The following DNAJC3 variants were observed in gnomAD, a reference collection of about 807,000 sequenced individuals.
DNAJC3 encodes dnaJ homolog subfamily C member 3.
Under a neutral mutation model 68.6 loss-of-function variants are expected in DNAJC3, and 38 were observed. The observed-to-expected ratio is 0.55, with a 90% CI of 0.43 to 0.73. The LOEUF (loss-of-function observed/expected upper bound fraction) is 0.73, where lower values mean the gene tolerates loss of function less well. Among genes scored for constraint, DNAJC3 ranks in the 30% least tolerant of loss-of-function variants. DNAJC3 has a pLI of 0.00. For missense variants in DNAJC3, 526 were observed against 591.9 expected (o/e 0.89, Z 1.16); for synonymous variants, 203 against 204.0 (o/e 1.00, Z 0.04).
At chr13:95,770,476 C>G (rs1445239645) in intron 9 of DNAJC3, among the ~76,000 whole-genome samples, 1 of 152,154 alleles carries the variant, frequency 6.6e-6, no homozygotes, top group Admixed American at 6.5e-5. Flanking sequence ...ACTTTTATCT[C>G]TTTTCCCCTA....
chr13:95,771,937 T>C (rs1054580198), intron 9 of DNAJC3, among the ~76,000 whole-genome samples: 1 of 152,190 alleles, frequency 6.6e-6, no homozygotes, highest in East Asian at 1.9e-4. Flanking sequence ...TTGAGATTTA[T>C]TTATGTTATT....
intron 3 of DNAJC3, 87 bp downstream of exon 3, chr13:95,723,453 T>TA: frequency 9.1e-6 from 13 of 1,429,618 alleles, no homozygotes; most frequent in Non-Finnish European, 1.2e-5. Context: ...ACTGGCATGC[T>TA]AGACATAGCT....
intron 1 of DNAJC3, among the ~76,000 whole-genome samples, chr13:95,682,531 C>T (rs1879947101): frequency 6.6e-6 from 1 of 152,148 alleles, no homozygotes; most frequent in African/African-American, 2.4e-5. Flanking sequence ...TATTCTAATA[C>T]TAATTTCAGT....
intron 2 of DNAJC3, among the ~76,000 whole-genome samples, chr13:95,711,998 A>G (rs1239622963): frequency 6.6e-6 from 1 of 152,242 alleles, no homozygotes; most frequent in African/African-American, 2.4e-5. Flanking sequence ...AAGTCCACAT[A>G]TTATGTTTGT....
chr13:95,736,965 G>C (rs912569693), intron 4 of DNAJC3, among the ~76,000 whole-genome samples: 1 of 151,382 alleles, frequency 6.6e-6, no homozygotes, highest in African/African-American at 2.4e-5. Flanking sequence ...GTTTGTCATA[G>C]ATAGCTCTTA....
chr13:95,688,955 T>C (rs1880147685), intron 1 of DNAJC3, among the ~76,000 whole-genome samples: 1 of 150,946 alleles, frequency 6.6e-6, no homozygotes, highest in African/African-American at 2.5e-5. Context: ...TGTGTGTGTG[T>C]GTGTGTGTGT....
chr13:95,722,896 C>CT (rs1446172035), intron 2 of DNAJC3, among the ~76,000 whole-genome samples: 4 of 136,922 alleles, frequency 2.9e-5, no homozygotes, highest in African/African-American at 1.1e-4. Context: ...GGTTTGCGAA[C>CT]TTTTTTTCTA....
chr13:95,725,915 A>G (rs1881499563), intron 4 of DNAJC3, among the ~76,000 whole-genome samples: 1 of 147,046 alleles, frequency 6.8e-6, no homozygotes, highest in Non-Finnish European at 1.5e-5. Context: ...ATGAGTGAGA[A>G]CATGCGGTGT....
chr13:95,690,856 T>G, intron 1 of DNAJC3, among the ~76,000 whole-genome samples: 1 of 105,954 alleles, frequency 9.4e-6, no homozygotes, highest in East Asian at 3.6e-4. Flanking sequence ...CACTTCCCAG[T>G]AGGGGCGGCC....
At chr13:95,788,993 C>T (rs541779375) in intron 11 of DNAJC3, among the ~76,000 whole-genome samples, 3 of 152,266 alleles carry the variant, frequency 2.0e-5, no homozygotes, top group South Asian at 4.2e-4. Flanking sequence ...AGATTAACCT[C>T]CCAGAATGAA....
chr13:95,767,332 ATGT>A (rs1258861730), intron 9 of DNAJC3, among the ~76,000 whole-genome samples: 1 of 152,302 alleles, frequency 6.6e-6, no homozygotes. Flanking sequence ...AGGTTCATCC[ATGT>A]TGTAGCATGT....
chr13:95,758,649 G>A (rs892110849), intron 5 of DNAJC3, among the ~76,000 whole-genome samples: 1 of 151,658 alleles, frequency 6.6e-6, no homozygotes, highest in African/African-American at 2.4e-5. Flanking sequence ...TAATAATAAT[G>A]GTTGATAGGA....
At chr13:95,699,279 A>C (rs1880527172) in intron 1 of DNAJC3, among the ~76,000 whole-genome samples, 1 of 152,254 alleles carries the variant, frequency 6.6e-6, no homozygotes, top group Non-Finnish European at 1.5e-5. Context: ...ATTGTAATGT[A>C]ATAAAGATCT....
At chr13:95,755,683 G>A (rs2139671150) in intron 4 of DNAJC3, among the ~76,000 whole-genome samples, 1 of 145,762 alleles carries the variant, frequency 6.9e-6, no homozygotes, top group Admixed American at 7.0e-5. Context: ...CATGAACCCA[G>A]GAGACGGAGG....
intron 7 of DNAJC3, among the ~76,000 whole-genome samples, chr13:95,763,298 G>A (rs944920507): frequency 6.6e-6 from 1 of 152,166 alleles, no homozygotes; most frequent in Non-Finnish European, 1.5e-5. Flanking sequence ...TGTTCAAGGT[G>A]CTCAGTGTAA....
At chr13:95,766,736 C>T (rs1883003094) in intron 9 of DNAJC3, among the ~76,000 whole-genome samples, 1 of 151,494 alleles carries the variant, frequency 6.6e-6, no homozygotes, top group South Asian at 2.1e-4. Context: ...GCTCTATAGC[C>T]CAGGCTGGAG....
At chr13:95,746,297 T>A (rs775017143) in intron 4 of DNAJC3, among the ~76,000 whole-genome samples, 1 of 152,178 alleles carries the variant, frequency 6.6e-6, no homozygotes, top group Non-Finnish European at 1.5e-5. Context: ...AAAATACCCC[T>A]GGAAAGATAT....
chr13:95,741,424 A>G (rs1000009223), intron 4 of DNAJC3, among the ~76,000 whole-genome samples: 1 of 152,222 alleles, frequency 6.6e-6, no homozygotes, highest in African/African-American at 2.4e-5. Flanking sequence ...GGGATGTCAG[A>G]TAAGCCAGTT....
intron 7 of DNAJC3, among the ~76,000 whole-genome samples, chr13:95,762,872 T>C (rs17878502): frequency 6.6e-6 from 1 of 152,262 alleles, no homozygotes; most frequent in Non-Finnish European, 1.5e-5. Context: ...TGCAGTGCTT[T>C]GTTTTCTGTT....
Sources: gnomAD v4.1 joint callset for allele counts (sites outside exome capture counted in the v4.1 genomes callset) on GRCh38, gnomAD v4.1.1 for gene constraint, MANE v1.5 for transcripts, NCBI Gene and HGNC (gene_info 2026-07-23, HGNC 2026-07-21) for gene names.